TYW1B: variants seen among roughly 807,000 people sequenced by gnomAD.
The protein encoded by TYW1B is tRNA-yW synthesizing protein 1 homolog B, also known as S-adenosyl-L-methionine-dependent tRNA 4-demethylwyosine synthase TYW1B.
Under a neutral mutation model 86.9 loss-of-function variants are expected in TYW1B, and 73 were observed. The ratio of observed to expected loss-of-function variants is 0.84; its 90% CI spans 0.70 to 1.02. The LOEUF (loss-of-function observed/expected upper bound fraction) is 1.02, where lower values mean the gene tolerates loss of function less well. Ranked by LOEUF, TYW1B falls within the 50% of genes least tolerant of loss-of-function variation. TYW1B has a pLI of 0.00. For missense variants in TYW1B, 637 were observed against 827.4 expected (o/e 0.77, Z 2.82); for synonymous variants, 248 against 292.8 (o/e 0.85, Z 1.56).
chr7:72,576,955 C>T (rs1262377074), intron 13 of TYW1B, among the ~76,000 whole-genome samples: 7 of 151,882 alleles, frequency 4.6e-5, no homozygotes, highest in Admixed American at 6.6e-5. Flanking sequence ...GGTAAAACCC[C>T]ATCGCTACTA....
chr7:72,708,887 T>C (rs1814675686), intron 10 of TYW1B, among the ~76,000 whole-genome samples: 1 of 152,222 alleles, frequency 6.6e-6, no homozygotes, highest in Non-Finnish European at 1.5e-5. Context: ...CTTGTGGTTT[T>C]ATGACACGTC....
At chr7:72,785,841 A>T (rs1241379622) in intron 6 of TYW1B, among the ~76,000 whole-genome samples, 2 of 152,182 alleles carry the variant, frequency 1.3e-5, no homozygotes, top group Admixed American at 1.3e-4. Flanking sequence ...AGCCAGGCTT[A>T]GTGGCTCGCA....
chr7:72,806,575 C>T (rs1788499187), intron 5 of TYW1B, among the ~76,000 whole-genome samples: 2 of 151,794 alleles, frequency 1.3e-5, no homozygotes, highest in African/African-American at 4.8e-5. Context: ...CACGATATGG[C>T]TTAATTCCTA....
At chr7:72,622,708 GCA>G (rs782015423) in intron 12 of TYW1B, among the ~76,000 whole-genome samples, 114 of 146,706 alleles carry the variant, frequency 7.8e-4, no homozygotes, top group Admixed American at 1.3e-3. Context: ...ACACACACAT[GCA>G]CACACACAAC....
chr7:72,675,916 G>A (rs1468184446), intron 11 of TYW1B, among the ~76,000 whole-genome samples: 1 of 151,860 alleles, frequency 6.6e-6, no homozygotes, highest in Admixed American at 6.6e-5. Flanking sequence ...AGTTTCATAC[G>A]CTAACCCATG....
At chr7:72,756,095 A>G (rs572776009) in intron 7 of TYW1B, among the ~76,000 whole-genome samples, 1 of 152,358 alleles carries the variant, frequency 6.6e-6, no homozygotes, top group Non-Finnish European at 1.5e-5. Flanking sequence ...AGAAGGGAAC[A>G]TAAGTATGAA....
chr7:72,752,631 T>G (rs1272735404), intron 7 of TYW1B, among the ~76,000 whole-genome samples: 2 of 152,092 alleles, frequency 1.3e-5, no homozygotes, highest in Non-Finnish European at 2.9e-5. Context: ...CTCGGGAGGC[T>G]GAGGCAGGAG....
At chr7:72,773,570 T>C (rs1370570723) in intron 7 of TYW1B, among the ~76,000 whole-genome samples, 2 of 152,142 alleles carry the variant, frequency 1.3e-5, no homozygotes, top group Non-Finnish European at 2.9e-5. Context: ...GGCTACAGTT[T>C]GCAGGATTGA....
chr7:72,618,396 T>C (rs1170039571), intron 12 of TYW1B, among the ~76,000 whole-genome samples: 3 of 152,072 alleles, frequency 2.0e-5, no homozygotes, highest in Non-Finnish European at 4.4e-5. Flanking sequence ...TTTGTATTTT[T>C]AGTAGAGATG....
chr7:72,757,016 C>T (rs1787601818), intron 7 of TYW1B, among the ~76,000 whole-genome samples: 1 of 152,172 alleles, frequency 6.6e-6, no homozygotes, highest in Admixed American at 6.5e-5. Context: ...AAATCGGAAC[C>T]CTCATACACA....
At chr7:72,642,330 G>GA (rs1812819964) in intron 11 of TYW1B, among the ~76,000 whole-genome samples, 2 of 152,104 alleles carry the variant, frequency 1.3e-5, no homozygotes, top group South Asian at 4.1e-4. Flanking sequence ...ACAGAAGGAG[G>GA]AAAAAAAGAT....
chr7:72,825,013 GGAT>G (rs1163192615), intron 2 of TYW1B, among the ~76,000 whole-genome samples: 1 of 151,408 alleles, frequency 6.6e-6, no homozygotes, highest in Non-Finnish European at 1.5e-5. Flanking sequence ...TGAGGTGGGA[GGAT>G]GCCTTGAGCC....
At chr7:72,704,721 T>C (rs1554453339) in intron 10 of TYW1B, among the ~76,000 whole-genome samples, 3 of 152,160 alleles carry the variant, frequency 2.0e-5, no homozygotes, top group African/African-American at 7.2e-5. Context: ...ATACTCGCAA[T>C]GCCACCATAA....
At chr7:72,576,375 C>T (rs1811021522) in intron 13 of TYW1B, among the ~76,000 whole-genome samples, 1 of 152,160 alleles carries the variant, frequency 6.6e-6, no homozygotes, top group Non-Finnish European at 1.5e-5. Context: ...GTTGAAGAGG[C>T]TCAGAAGGAA....
chr7:72,810,164 G>A (rs1407166727), intron 4 of TYW1B, among the ~76,000 whole-genome samples: 5 of 152,078 alleles, frequency 3.3e-5, no homozygotes, highest in Admixed American at 6.6e-5. Context: ...TGTAATCCCA[G>A]CTACTCGGGA....
intron 7 of TYW1B, among the ~76,000 whole-genome samples, chr7:72,750,111 G>A (rs1018013801): frequency 6.6e-6 from 1 of 151,572 alleles, no homozygotes; most frequent in African/African-American, 2.4e-5. Context: ...ATATTGCCCA[G>A]GCTGGTCTCA....
chr7:72,708,606 C>T (rs1392602047), intron 10 of TYW1B, among the ~76,000 whole-genome samples: 1 of 152,158 alleles, frequency 6.6e-6, no homozygotes, highest in Non-Finnish European at 1.5e-5. Context: ...GCCTCTGTGT[C>T]CTATTAGTTA....
intron 6 of TYW1B, among the ~76,000 whole-genome samples, chr7:72,796,274 C>T (rs6974857): frequency 0.022 from 1,450 of 64,514 alleles, 75 homozygotes; most frequent in African/African-American, 0.064. Flanking sequence ...GATGGAGTCT[C>T]GCTCTGTCGC....
chr7:72,628,100 T>C (rs1415082048), intron 12 of TYW1B, among the ~76,000 whole-genome samples: 3 of 152,066 alleles, frequency 2.0e-5, no homozygotes, highest in Non-Finnish European at 2.9e-5. Flanking sequence ...GAGACCAGCC[T>C]GGGCAAAACA....
Sources: allele counts gnomAD v4.1 joint callset (sites outside exome capture counted in the v4.1 genomes callset), GRCh38; gene constraint gnomAD v4.1.1; transcripts MANE v1.5; gene names NCBI Gene and HGNC (gene_info 2026-07-23, HGNC 2026-07-21).